The following SDC3 variants were observed in gnomAD, a reference collection of about 807,000 sequenced individuals.
SDC3 encodes the protein syndecan 3, also known as syndecan-3.
SDC3 carries 13 observed loss-of-function variants against 24.4 expected under a neutral mutation model. The observed-to-expected ratio is 0.53, with a 90% CI of 0.35 to 0.85. SDC3 has a LOEUF of 0.85. SDC3 is among the 40% of genes least tolerant of loss of function. The probability of loss-of-function intolerance (pLI) is 0.01; values close to 1 mark genes in which losing one functional copy is unlikely to be tolerated. For missense variants in SDC3, 571 were observed against 584.5 expected (o/e 0.98, Z 0.24); for synonymous variants, 295 against 260.9 (o/e 1.13, Z -1.26).
chr1:30,877,095 G>T lies in SDC3; in HGVS notation c.327C>A (p.Thr109=). The change falls in exon 3 of 5, where the codon ACC becomes ACA. Residue 109 remains threonine (T), a synonymous_variant. Transcript: ENST00000339394. ...TCGTGGTGGGCAGCACCGCAGGTGT[G>T]GTGGACACCGCCAGGGCTACATCTG... The part of the protein sequence containing the change: ...FSPDVALAVS[T]TPAVLPTTNI... 3 of 1,614,012 alleles carry T rather than the reference G, an allele frequency of 1.9e-6. No homozygotes were observed. The highest frequency in any genetic ancestry group is 2.5e-6 in the Non-Finnish European group (3 of 1,179,974).
intron 1 of SDC3, among the ~76,000 whole-genome samples, chr1:30,898,357 G>A (rs115397932): frequency 1.2e-3 from 176 of 152,236 alleles, no homozygotes; most frequent in African/African-American, 4.0e-3. Flanking sequence ...AGTCTTCAGG[G>A]TCTAAATCAA....
At chr1:30,896,020 C>T (rs1339558224) in intron 1 of SDC3, among the ~76,000 whole-genome samples, 2 of 152,140 alleles carry the variant, frequency 1.3e-5, no homozygotes, top group Non-Finnish European at 2.9e-5. Flanking sequence ...CTCCAGTGCA[C>T]CTCTCCCCGC....
intron 1 of SDC3, among the ~76,000 whole-genome samples, chr1:30,897,225 C>T (rs1038165041): frequency 2.0e-5 from 3 of 152,140 alleles, no homozygotes; most frequent in Admixed American, 2.0e-4. Context: ...TTAGTCCCAG[C>T]TCAGCCATCA....
chr1:30,886,669 G>A (rs1437591260), intron 1 of SDC3, among the ~76,000 whole-genome samples: 1 of 152,180 alleles, frequency 6.6e-6, no homozygotes, highest in Non-Finnish European at 1.5e-5. Flanking sequence ...CTGAACCCCT[G>A]AGAATGCCTG....
At position 30,869,551 on chromosome 1, in the gene SDC3, A is replaced by AAAAAAAAAAAAAAAAAAC. The variant is rs1639494851; in HGVS notation, c.*3659_*3660insGTTTTTTTTTTTTTTTTT. The stretch of plus-strand genomic sequence containing the variant: ...AACAAACAAACAAAAAAAAAAAAAA[A>AAAAAAAAAAAAAAAAAAC]AAAAAAAAAACAAAAACAAAACCAG... On this transcript the variant is annotated 3_prime_UTR_variant, in exon 5 of 5. Transcript: ENST00000339394. 1 of 392,376 alleles carries AAAAAAAAAAAAAAAAAAC rather than the reference A, an allele frequency of 2.5e-6. No individual in the cohort carries two copies. Among genetic ancestry groups the AAAAAAAAAAAAAAAAAAC allele is most frequent in the Non-Finnish European group, 4.5e-6 (1 of 223,694 alleles). The allele number at this position is 392,376 out of a possible 1,614,324, so 24.3% of individuals were successfully genotyped here.
intron 1 of SDC3, among the ~76,000 whole-genome samples, chr1:30,896,185 C>G (rs1339974319): frequency 6.6e-6 from 1 of 151,924 alleles, no homozygotes; most frequent in Non-Finnish European, 1.5e-5. Flanking sequence ...AGATTGAGGA[C>G]GTGTGAAAGC....
chr1:30,902,795 G>A (rs1034556476), intron 1 of SDC3, among the ~76,000 whole-genome samples: 7 of 152,216 alleles, frequency 4.6e-5, no homozygotes, highest in African/African-American at 9.6e-5. Context: ...GCCCCCTGGC[G>A]CCTCCCAGCC....
At chr1:30,892,055 G>T (rs1639913959) in intron 1 of SDC3, among the ~76,000 whole-genome samples, 1 of 151,844 alleles carries the variant, frequency 6.6e-6, no homozygotes, top group African/African-American at 2.4e-5. Context: ...CCTCCTGCAG[G>T]TCCTGCGTTC....
chr1:30,869,550 A>C lies in SDC3; in HGVS notation c.*3661T>G, dbSNP rs1141367. On this transcript the variant is annotated 3_prime_UTR_variant, in exon 5 of 5. Transcript: ENST00000339394. ...AAACAAACAAACAAAAAAAAAAAAA[A>C]AAAAAAAAAAACAAAAACAAAACCA... 0.14 allele frequency: 56,601 copies of C among 395,514 alleles called. 7,662 individuals are homozygous for C. The highest frequency in any genetic ancestry group is 0.6 in the East Asian group (16,835 of 27,862). 24.5% of individuals were successfully genotyped at this position (395,514 alleles called of 1,614,324 possible).
intron 1 of SDC3, among the ~76,000 whole-genome samples, chr1:30,904,869 C>T (rs551482289): frequency 3.3e-5 from 5 of 152,256 alleles, no homozygotes; most frequent in African/African-American, 1.2e-4. Flanking sequence ...CAGGTGTGCT[C>T]GGTCTACTCA....
intron 1 of SDC3, among the ~76,000 whole-genome samples, chr1:30,885,253 T>G (rs557691395): frequency 9.8e-5 from 15 of 152,338 alleles, no homozygotes; most frequent in African/African-American, 3.6e-4. Flanking sequence ...GCTATTAATA[T>G]GAGTATCATC....
rs892800517 is a variant in SDC3, at chr1:30,869,615, G to A, written c.*3596C>T. On this transcript the variant is annotated 3_prime_UTR_variant, in exon 5 of 5. Coordinates refer to ENST00000339394, the MANE Select transcript of SDC3 (RefSeq NM_014654.4). ...CTGGAACAGGAGAGTACCCGCAGTG[G>A]GGCAGGCGCCTTGGTCTCTTTTTTC... 2.5e-6 allele frequency: 1 copy of A among 398,292 alleles called. No individual in the cohort carries two copies. The highest frequency in any genetic ancestry group is 2.1e-5 in the African/African-American group (1 of 48,618). 24.7% of individuals were successfully genotyped at this position (398,292 alleles called of 1,614,324 possible).
intron 1 of SDC3, among the ~76,000 whole-genome samples, chr1:30,888,132 A>G (rs1401309635): frequency 6.6e-6 from 1 of 152,148 alleles, no homozygotes; most frequent in Non-Finnish European, 1.5e-5. Context: ...TAAGCACTGG[A>G]CTCTACCTTC....
At chr1:30,877,266 C>A in intron 2 of SDC3, 101 bp from the exon 3 acceptor site, 1 of 1,465,764 alleles carries the variant, frequency 6.8e-7, no homozygotes, top group Non-Finnish European at 9.4e-7. Flanking sequence ...GGTCTCCCAA[C>A]CCCCTCTCTT....
At chr1:30,884,911 C>T (rs1240367420) in intron 1 of SDC3, among the ~76,000 whole-genome samples, 1 of 150,606 alleles carries the variant, frequency 6.6e-6, no homozygotes, top group African/African-American at 2.4e-5. Flanking sequence ...GAATATTACG[C>T]AGCTATCAAC....
At chr1:30,902,286 C>T (rs528853984) in intron 1 of SDC3, among the ~76,000 whole-genome samples, 1 of 152,356 alleles carries the variant, frequency 6.6e-6, no homozygotes, top group South Asian at 2.1e-4. Flanking sequence ...CAGCCATGGC[C>T]GCTCAGGCTC....
At position 30,880,972 on chromosome 1, in the gene SDC3, AC is replaced by A. The variant is rs558314760; in HGVS notation, c.139-2233del. 2.1e-3 allele frequency among the ~76,000 whole-genome samples: 273 copies of A among 131,870 alleles called. 1 individual carries two copies. Among genetic ancestry groups the A allele is most frequent in the African/African-American group, 7.4e-3 (263 of 35,406 alleles). The allele number at this position is 131,870 out of a possible 152,430, so 86.5% of individuals were successfully genotyped here. On this transcript the variant is annotated intron_variant, in intron 1 of 4. Coordinates refer to ENST00000339394, the MANE Select transcript of SDC3 (RefSeq NM_014654.4). ...ACTGTGCCCCCTCCAGGTAAACACA[AC>A]CCCCCCATGCCTGATAGGAGGCTTC...
At position 30,908,363 on chromosome 1, in the gene SDC3, A is replaced by AG. The variant is rs1185116221; in HGVS notation, c.138+85dup. 15 of 609,280 alleles carry AG rather than the reference A, an allele frequency of 2.5e-5. No individual in the cohort carries two copies. The African/African-American group carries it at 4.4e-4, about 18-fold the overall frequency. The allele number at this position is 609,280 out of a possible 1,614,324, so 37.7% of individuals were successfully genotyped here. A position where few individuals can be genotyped will look rare whatever the true frequency, so the allele number is the denominator to read the frequency against. ...CGGGGGGGAGGGAGCGGGGTCCCGG[A>AG]GGGGGGGTCGCGGGCGGGGACCGGC... is the stretch of plus-strand genomic sequence containing the variant. On this transcript the variant is annotated intron_variant, in intron 1 of 4. Coordinates refer to ENST00000339394, the MANE Select transcript of SDC3 (RefSeq NM_014654.4).
At chr1:30,898,257 C>T (rs1283675162) in intron 1 of SDC3, among the ~76,000 whole-genome samples, 1 of 152,160 alleles carries the variant, frequency 6.6e-6, no homozygotes, top group Non-Finnish European at 1.5e-5. Context: ...TTCCCCACTT[C>T]TCAGACTTTG....
Sources: gnomAD v4.1 joint callset for allele counts (sites outside exome capture counted in the v4.1 genomes callset) on GRCh38, gnomAD v4.1.1 for gene constraint, MANE v1.5 for transcripts, NCBI Gene and HGNC (gene_info 2026-07-23, HGNC 2026-07-21) for gene names.